The following HNRNPDL variants were observed in gnomAD, a reference collection of about 807,000 sequenced individuals.
HNRNPDL encodes heterogeneous nuclear ribonucleoprotein D-like.
A neutral mutation model predicts 48.0 loss-of-function variants in HNRNPDL; 18 were observed. The observed-to-expected ratio is 0.38, with a 90% CI of 0.26 to 0.56. The LOEUF is 0.56. Among genes scored for constraint, HNRNPDL ranks in the 20% least tolerant of loss-of-function variants. HNRNPDL has a pLI of 0.77. For missense variants in HNRNPDL, 553 were observed against 540.7 expected, an observed-to-expected ratio of 1.02 and a Z score of -0.23; for synonymous variants, 306 against 207.3, an observed-to-expected ratio of 1.48 and a Z score of -4.09.
chr4:82,426,935 G>T (rs1229871812), intron 5 of HNRNPDL, among the ~76,000 whole-genome samples: 2 of 152,038 alleles, frequency 1.3e-5, no homozygotes, highest in South Asian at 2.1e-4. Flanking sequence ...TCACACCACG[G>T]TGTATCATGT....
At position 82,427,518 on chromosome 4, in the gene HNRNPDL, C is replaced by T. The variant is rs886982172; in HGVS notation, c.821G>A (p.Arg274Lys). The T allele has an allele frequency of 6.2e-7, 1 of 1,608,280 alleles. No homozygotes were observed. The highest frequency in any genetic ancestry group is 8.5e-7 in the Non-Finnish European group (1 of 1,177,510). ...AGTATATGTGATAAAACAAAATCCT[C>T]TTCTTTCATTTGTTTTTGTATCCAT... ...LPMDTKTNER[R>K]GFCFITYTDE... Residue 274 changes from arginine (R) to lysine (K), a missense_variant, in exon 4 of 8, where the codon AGA (arginine) becomes AAA (lysine). Coordinates refer to ENST00000295470, the MANE Select transcript of HNRNPDL (RefSeq NM_031372.4).
At chr4:82,425,764 T>A in intron 7 of HNRNPDL, 1 of 365,644 alleles carries the variant, frequency 2.7e-6, no homozygotes, top group East Asian at 4.8e-5. Context: ...TGTTAATAGT[T>A]CTAAAATGTT....
In HNRNPDL at chr4:82,428,027, G is replaced by T; in HGVS notation, c.765C>A (p.Ala255=). ...SEEQIKEYFG[A]FGEIENIELP... ...AAACATAATCACACACCTCTCCAAA[G>T]GCTCCAAAATATTCTTTAATTTGTT... is the stretch of plus-strand genomic sequence containing the variant. The change falls in exon 3 of 8, where the codon GCC becomes GCA. Residue 255 remains alanine, a synonymous_variant. Coordinates refer to ENST00000295470, the MANE Select transcript of HNRNPDL (RefSeq NM_031372.4). 6.2e-7 allele frequency: 1 copy of T among 1,613,810 alleles called. No individual in the cohort carries two copies. The highest frequency in any genetic ancestry group is 8.5e-7 in the Non-Finnish European group (1 of 1,179,884).
chr4:82,427,625 T>G, intron 3 of HNRNPDL, 61 bp from the exon 4 acceptor site: 1 of 1,523,740 alleles, frequency 6.6e-7, no homozygotes, highest in Non-Finnish European at 9.0e-7. Context: ...AGTGTCAGAA[T>G]GCCAAAGGCC....
intron 1 of HNRNPDL, among the ~76,000 whole-genome samples, chr4:82,428,978 C>A (rs1721549556): frequency 6.6e-6 from 1 of 152,204 alleles, no homozygotes; most frequent in Non-Finnish European, 1.5e-5. Context: ...CGGCCCCTCC[C>A]CCCCGGGTCC....
At chr4:82,426,779 A>T (rs182206932) in intron 5 of HNRNPDL, 146 bp from the exon 6 acceptor site, 1 of 690,714 alleles carries the variant, frequency 1.4e-6, no homozygotes, top group East Asian at 2.7e-5. Context: ...CTATTTTTCC[A>T]GCTGTTATAA....
At chr4:82,427,846 T>C (rs578048050) in intron 3 of HNRNPDL, among the ~76,000 whole-genome samples, 172 bp downstream of exon 3, 4 of 152,364 alleles carry the variant, frequency 2.6e-5, no homozygotes, top group South Asian at 2.1e-4. Context: ...AATTAGATAG[T>C]TGGGTTTCCA....
At chr4:82,425,036 CAAT>C (rs1721362679) in intron 7 of HNRNPDL, 153 bp from the exon 8 acceptor site, 1 of 152,230 alleles carries the variant, frequency 6.6e-6, no homozygotes, top group South Asian at 2.1e-4. Flanking sequence ...TTTGGGTAGT[CAAT>C]AAACTCACCC....
rs979513850 is a variant in HNRNPDL at position 82,423,662 on chromosome 4, A to C, written c.*1244T>G. ...AAATAACACTGAGGCCAAGGTCCCA[A>C]AATCCAACTACACTGAATGCAAAAT... On this transcript the variant is annotated 3_prime_UTR_variant, in exon 8 of 8. Coordinates refer to ENST00000295470, the MANE Select transcript of HNRNPDL (RefSeq NM_031372.4). 1.3e-5 allele frequency: 2 copies of C among 152,206 alleles called. No individual in the cohort carries two copies. Among genetic ancestry groups the C allele is most frequent in the Non-Finnish European group, 2.9e-5 (2 of 68,034 alleles). The allele number at this position is 152,206 out of a possible 1,614,324, so 9.4% of individuals were successfully genotyped here. A position where few individuals can be genotyped will look rare whatever the true frequency, so the allele number is the denominator to read the frequency against.
At position 82,422,667 on chromosome 4, in the gene HNRNPDL, T is replaced by C. The variant is rs1429315696; in HGVS notation, c.*2239A>G. The C allele has an allele frequency of 6.6e-6, 1 of 152,202 alleles. No homozygotes were observed. Among genetic ancestry groups the C allele is most frequent in the Non-Finnish European group, 1.5e-5 (1 of 68,022 alleles). The allele number at this position is 152,202 out of a possible 1,614,324, so 9.4% of individuals were successfully genotyped here. On this transcript the variant is annotated 3_prime_UTR_variant, in exon 8 of 8. Transcript: ENST00000295470. ...AAATTACTAAGGTGTTTTGTTAGGA[T>C]AACATCACACAGAATTTGGTCTGAA...
In HNRNPDL at chr4:82,428,126, C is replaced by T. The variant is rs1205826937; in HGVS notation, c.666G>A (p.Arg222=). Residue 222 remains arginine, a synonymous_variant, in exon 3 of 8, where the codon AGG becomes AGA. Transcript: ENST00000295470. ...KLDGKLIDPK[R]AKALKGKEPP... is the part of the protein sequence containing the mutation. ...GTTCTTTCCCTTTTAAAGCTTTGGC[C>T]CTTTTGGGATCTATCAATTTGCCAT... 1 of 1,614,110 alleles carries T rather than the reference C, an allele frequency of 6.2e-7. No individual in the cohort carries two copies.
Position 82,427,254 on chromosome 4 carries a change from T to C in HNRNPDL, c.957A>G (p.Gln319=), listed in dbSNP as rs780792520. ...CAGCACCTCTTCCACCTTTTTGTTGTTGCTGTTGCTGCCTATATACCTCTT... is the reference window on the plus strand; with the variant it reads ...CAGCACCTCTTCCACCTTTTTGTTGCTGCTGTTGCTGCCTATATACCTCTT... ...QPKEVYRQQQ[Q]QQKGGRGAAA... The change falls in exon 5 of 8, where the codon CAA becomes CAG. Residue 319 remains glutamine, a synonymous_variant. Transcript: ENST00000295470. 1.5e-5 allele frequency: 25 copies of C among 1,613,922 alleles called. 1 individual carries two copies. In the South Asian group the frequency reaches 2.6e-4, roughly 17 times the overall value.
At chr4:82,426,397 C>A (rs1721408539) in intron 6 of HNRNPDL, 66 bp downstream of exon 6, 4 of 1,398,058 alleles carry the variant, frequency 2.9e-6, no homozygotes, top group Non-Finnish European at 3.0e-6. Flanking sequence ...AATTTCAGAA[C>A]AGGATTGTAT....
rs1721315489 is a variant in HNRNPDL at position 82,424,118 on chromosome 4, T to C, written c.*788A>G. 1.3e-5 allele frequency: 2 copies of C among 152,218 alleles called. No homozygotes were observed. Among genetic ancestry groups the C allele is most frequent in the Non-Finnish European group, 2.9e-5 (2 of 68,024 alleles). The allele number at this position is 152,218 out of a possible 1,614,324, so 9.4% of individuals were successfully genotyped here. ...AACTACTTCCAATGCTCTTAAACCA[T>C]AGCTCCTACCAGTTTTACAGTGCTC... On this transcript the variant is annotated 3_prime_UTR_variant, in exon 8 of 8. Transcript: ENST00000295470.
chr4:82,427,970 C>T, intron 3 of HNRNPDL, 48 bp downstream of exon 3: 1 of 1,568,372 alleles, frequency 6.4e-7, no homozygotes, highest in Non-Finnish European at 8.7e-7. Context: ...AAGGATTGAA[C>T]ATTTTATAAA....
chr4:82,429,284 G>A lies in HNRNPDL; in HGVS notation c.407C>T (p.Ser136Phe), dbSNP rs761016544. ...CTGATTCTTGCTCGCGTTGATCTTG[G>A]ATCCCTCTGCGAATTCCTCTATATT... ...YSNIEEFAEG[S>F]KINASKNQQD... The change falls in exon 1 of 8, where the codon TCC (serine) becomes TTC (phenylalanine). Residue 136 changes from serine to phenylalanine, a missense_variant. Physicochemically the swap from Ser to Phe is radical, Grantham distance 155. Transcript: ENST00000295470. 1.2e-5 allele frequency: 19 copies of A among 1,613,770 alleles called. No homozygotes were observed. Among genetic ancestry groups the A allele is most frequent in the Admixed American group, 1.7e-5 (1 of 60,022 alleles).
At chr4:82,425,802 A>G (rs961569329) in intron 7 of HNRNPDL, 1 of 478,178 alleles carries the variant, frequency 2.1e-6, no homozygotes, top group Non-Finnish European at 3.7e-6. Context: ...CACCTGGTAC[A>G]CAAAAGCAAA....
rs529178270 is a variant in HNRNPDL at position 82,422,736 on chromosome 4, G to A, written c.*2170C>T. 5.3e-5 allele frequency: 8 copies of A among 152,146 alleles called. No homozygotes were observed. Among genetic ancestry groups the A allele is most frequent in the South Asian group, 4.2e-4 (2 of 4,808 alleles). The allele number at this position is 152,146 out of a possible 1,614,324, so 9.4% of individuals were successfully genotyped here. The stretch of plus-strand genomic sequence containing the variant: ...CGATGTATAAAAACATATACAAACC[G>A]AGCATTTGTTATAGGTACTTTAGAA... On this transcript the variant is annotated 3_prime_UTR_variant, in exon 8 of 8. Coordinates refer to ENST00000295470, the MANE Select transcript of HNRNPDL (RefSeq NM_031372.4).
chr4:82,429,059 A>C (rs1354004037), intron 1 of HNRNPDL, among the ~76,000 whole-genome samples, 189 bp downstream of exon 1: 7 of 138,438 alleles, frequency 5.1e-5, no homozygotes, highest in East Asian at 2.2e-4. Context: ...CCCTTCCCCC[A>C]CTCTTCCCGG....
Sources: allele counts gnomAD v4.1 joint callset (sites outside exome capture counted in the v4.1 genomes callset), GRCh38; gene constraint gnomAD v4.1.1; transcripts MANE v1.5; gene names NCBI Gene and HGNC (gene_info 2026-07-23, HGNC 2026-07-21).